Variants in NKAIN3 observed in about 807,000 individuals in gnomAD.
The protein encoded by NKAIN3 is sodium/potassium transporting ATPase interacting 3, also known as sodium/potassium-transporting ATPase subunit beta-1-interacting protein 3.
Under a neutral mutation model 30.2 loss-of-function variants are expected in NKAIN3, and 25 were observed. The observed-to-expected ratio is 0.83, with a 90% CI of 0.60 to 1.16. NKAIN3 has a LOEUF of 1.16. Ranked by LOEUF, NKAIN3 falls within the 50% of genes most tolerant of loss-of-function variation. The pLI, the probability that NKAIN3 is intolerant of heterozygous loss-of-function variation, is 0.00. For synonymous variants in NKAIN3, 91 were observed against 89.6 expected, an observed-to-expected ratio of 1.02 and a Z score of -0.09; for missense variants, 225 against 254.1, an observed-to-expected ratio of 0.89 and a Z score of 0.78.
intron 3 of NKAIN3, among the ~76,000 whole-genome samples, chr8:62,610,742 C>A (rs1037843566): frequency 6.6e-6 from 1 of 151,998 alleles, no homozygotes; most frequent in Non-Finnish European, 1.5e-5. Context: ...TTCTCTTTTC[C>A]TTGTGTTTCC....
Position 62,984,081 on chromosome 8 carries a change from A to T in NKAIN3, c.*18674A>T, listed in dbSNP as rs575210978. ...CTTTGGGTTTTTCATTATTGTTTCT[A>T]AAAACTAGATATTATTGCTTTATTA... On this transcript the variant is annotated 3_prime_UTR_variant, in exon 7 of 7. Transcript: ENST00000623646. The T allele has an allele frequency of 1.3e-5, 2 of 152,214 alleles. No individual in the cohort carries two copies. Among genetic ancestry groups the T allele is most frequent in the Non-Finnish European group, 2.9e-5 (2 of 68,046 alleles). The allele number at this position is 152,214 out of a possible 1,614,324, so 9.4% of individuals were successfully genotyped here. A position where few individuals can be genotyped will look rare whatever the true frequency, so the allele number is the denominator to read the frequency against.
At chr8:62,264,437 G>A (rs1030761610) in intron 1 of NKAIN3, among the ~76,000 whole-genome samples, 1 of 152,078 alleles carries the variant, frequency 6.6e-6, no homozygotes, top group African/African-American at 2.4e-5. Flanking sequence ...TTTTAGAAGT[G>A]GGAAGAATAA....
chr8:62,552,145 C>T (rs183560543), intron 1 of NKAIN3, among the ~76,000 whole-genome samples: 8 of 152,134 alleles, frequency 5.3e-5, no homozygotes, highest in Non-Finnish European at 8.8e-5. Flanking sequence ...ATTGTTTGAG[C>T]TACATTTACA....
intron 3 of NKAIN3, among the ~76,000 whole-genome samples, chr8:62,740,160 G>A (rs560526856): frequency 8.5e-5 from 13 of 152,048 alleles, no homozygotes; most frequent in African/African-American, 3.1e-4. Context: ...TCAGGAAAAA[G>A]AAAACAATTA....
At chr8:62,821,947 T>C (rs1483023951) in intron 4 of NKAIN3, among the ~76,000 whole-genome samples, 1 of 150,622 alleles carries the variant, frequency 6.6e-6, no homozygotes. Context: ...TACTTTTCGA[T>C]GCAATGTTCC....
chr8:62,681,819 T>A (rs1047479694), intron 3 of NKAIN3, among the ~76,000 whole-genome samples: 1 of 152,216 alleles, frequency 6.6e-6, no homozygotes, highest in Non-Finnish European at 1.5e-5. Context: ...TAAACTTATC[T>A]TGGTCTTTAA....
chr8:62,775,962 C>T (rs1817179631), intron 4 of NKAIN3, among the ~76,000 whole-genome samples: 1 of 151,956 alleles, frequency 6.6e-6, no homozygotes, highest in South Asian at 2.1e-4. Flanking sequence ...TATCTGGGTA[C>T]ACATATATTT....
chr8:62,612,364 G>T (rs769343053), intron 3 of NKAIN3, among the ~76,000 whole-genome samples: 3 of 151,974 alleles, frequency 2.0e-5, no homozygotes, highest in Non-Finnish European at 4.4e-5. Flanking sequence ...TCGTTACATA[G>T]ATACCCTCTT....
chr8:62,735,277 T>A (rs1028564157), intron 3 of NKAIN3, among the ~76,000 whole-genome samples: 8 of 152,150 alleles, frequency 5.3e-5, no homozygotes, highest in African/African-American at 1.9e-4. Context: ...CCCAAACTTC[T>A]TGGATGCTTT....
intron 1 of NKAIN3, among the ~76,000 whole-genome samples, chr8:62,446,725 C>A (rs1805496777): frequency 1.3e-5 from 2 of 151,996 alleles, no homozygotes; most frequent in Admixed American, 1.3e-4. Flanking sequence ...CAATATTTGT[C>A]CTCTTGTGCC....
intron 3 of NKAIN3, among the ~76,000 whole-genome samples, chr8:62,697,323 C>G (rs1032391250): frequency 6.6e-6 from 1 of 152,198 alleles, no homozygotes; most frequent in Non-Finnish European, 1.5e-5. Context: ...TGCGGTCCCT[C>G]TGCTGGGAGC....
At chr8:62,774,829 A>G (rs1817138219) in intron 4 of NKAIN3, among the ~76,000 whole-genome samples, 1 of 152,090 alleles carries the variant, frequency 6.6e-6, no homozygotes, top group Admixed American at 6.5e-5. Context: ...GGATTTTTGT[A>G]TCAATTCTCA....
In NKAIN3 at chr8:62,547,522, A is replaced by T. The variant is rs778597048; in HGVS notation, c.55-32017A>T. ...GAAAAACTCAAAGGCCAGTAATCTG[A>T]TGGTGAGTGAGGAGGTTAGAAATCT... is the stretch of plus-strand genomic sequence containing the variant. On this transcript the variant is annotated intron_variant, in intron 1 of 6. Transcript: ENST00000623646. 2.0e-4 allele frequency among the ~76,000 whole-genome samples: 30 copies of T among 152,214 alleles called. 1 individual carries two copies. The highest frequency in any genetic ancestry group is 2.9e-5 in the Non-Finnish European group (2 of 68,030).
chr8:62,818,607 G>A (rs1818759517), intron 4 of NKAIN3, among the ~76,000 whole-genome samples: 1 of 152,034 alleles, frequency 6.6e-6, no homozygotes, highest in Non-Finnish European at 1.5e-5. Context: ...TATGTGTCAA[G>A]CACTACATTA....
chr8:62,614,191 C>T (rs892423446), intron 3 of NKAIN3, among the ~76,000 whole-genome samples: 8 of 152,092 alleles, frequency 5.3e-5, no homozygotes, highest in Non-Finnish European at 1.2e-4. Context: ...TTTGAAAGGA[C>T]TTGGGTATTG....
At chr8:62,623,361 T>G (rs1456338453) in intron 3 of NKAIN3, among the ~76,000 whole-genome samples, 5 of 152,036 alleles carry the variant, frequency 3.3e-5, no homozygotes. Context: ...CCTAGGAAAA[T>G]GTAAAATGAT....
intron 3 of NKAIN3, among the ~76,000 whole-genome samples, chr8:62,638,546 T>A (rs1489255108): frequency 2.0e-5 from 3 of 152,092 alleles, no homozygotes; most frequent in Non-Finnish European, 4.4e-5. Flanking sequence ...CTTGGAGGAG[T>A]AGATTTAATG....
intron 1 of NKAIN3, among the ~76,000 whole-genome samples, chr8:62,575,192 A>T (rs1056076521): frequency 2.0e-5 from 3 of 152,128 alleles, no homozygotes; most frequent in South Asian, 2.1e-4. Flanking sequence ...CCTTGTTTGC[A>T]GATGATATGA....
chr8:62,710,980 T>A (rs1373722875), intron 3 of NKAIN3, among the ~76,000 whole-genome samples: 1 of 152,204 alleles, frequency 6.6e-6, no homozygotes, highest in Non-Finnish European at 1.5e-5. Flanking sequence ...GACTGTATCT[T>A]TCCTTCATAT....
Sources: allele counts gnomAD v4.1 joint callset (sites outside exome capture counted in the v4.1 genomes callset), GRCh38; gene constraint gnomAD v4.1.1; transcripts MANE v1.5; gene names NCBI Gene and HGNC (gene_info 2026-07-23, HGNC 2026-07-21).